The following PTPRD variants were observed in gnomAD, a reference collection of about 807,000 sequenced individuals.
PTPRD encodes protein tyrosine phosphatase receptor type D.
A neutral mutation model predicts 214.5 loss-of-function variants in PTPRD; 34 were observed. The ratio of observed to expected loss-of-function variants is 0.16; its 90% confidence interval spans 0.12 to 0.21. PTPRD has a LOEUF of 0.21. Among genes scored for constraint, PTPRD ranks in the 10% least tolerant of loss-of-function variants. The probability of loss-of-function intolerance (pLI) is 1.00; values close to 1 mark genes in which losing one functional copy is unlikely to be tolerated. For missense variants in PTPRD, 2,545 were observed against 2,398.7 expected (o/e 1.06, Z -1.27); for synonymous variants, 1,128 against 845.7 (o/e 1.33, Z -5.79).
chr9:10,200,433 A>G (rs1472842014), intron 3 of PTPRD, among the ~76,000 whole-genome samples: 2 of 152,140 alleles, frequency 1.3e-5, no homozygotes, highest in Non-Finnish European at 2.9e-5. Context: ...ATGCTGCTAA[A>G]CATTAAACAA....
At chr9:8,390,284 G>A (rs1338008798) in intron 36 of PTPRD, among the ~76,000 whole-genome samples, 1 of 152,084 alleles carries the variant, frequency 6.6e-6, no homozygotes, top group Non-Finnish European at 1.5e-5. Context: ...ACAAAGCTCT[G>A]CAACTTCCCA....
intron 12 of PTPRD, among the ~76,000 whole-genome samples, chr9:8,724,315 C>A (rs1460343961): frequency 6.6e-6 from 1 of 152,104 alleles, no homozygotes; most frequent in Non-Finnish European, 1.5e-5. Context: ...GTTGGTGGTT[C>A]AGTTTTAGAA....
intron 2 of PTPRD, among the ~76,000 whole-genome samples, chr9:10,544,733 C>A (rs181789628): frequency 1.6e-3 from 251 of 152,276 alleles, no homozygotes; most frequent in African/African-American, 5.8e-3. Flanking sequence ...TTTCTTCCTA[C>A]TGAACAAATG....
intron 31 of PTPRD, among the ~76,000 whole-genome samples, chr9:8,469,852 T>C (rs771947704): frequency 5.3e-5 from 8 of 152,122 alleles, no homozygotes; most frequent in African/African-American, 9.7e-5. Context: ...CCAGTGATCA[T>C]AAATCCCGCT....
intron 3 of PTPRD, among the ~76,000 whole-genome samples, chr9:10,293,636 T>A (rs2095593729): frequency 6.6e-6 from 1 of 152,010 alleles, no homozygotes; most frequent in Non-Finnish European, 1.5e-5. Flanking sequence ...GCAGTAACTT[T>A]ATGAATCCCC....
At chr9:10,015,164 T>A (rs2096677372) in intron 4 of PTPRD, among the ~76,000 whole-genome samples, 1 of 152,118 alleles carries the variant, frequency 6.6e-6, no homozygotes. Flanking sequence ...GCTTAATGGC[T>A]TGGGAAATGA....
intron 2 of PTPRD, among the ~76,000 whole-genome samples, chr9:10,444,944 GAAC>G (rs1225842402): frequency 1.3e-5 from 2 of 151,832 alleles, no homozygotes; most frequent in African/African-American, 4.8e-5. Context: ...GTATACAGAA[GAAC>G]AATACAAAAC....
chr9:9,784,927 A>C (rs1256312196), intron 5 of PTPRD, among the ~76,000 whole-genome samples: 2 of 147,552 alleles, frequency 1.4e-5, no homozygotes, highest in South Asian at 2.2e-4. Flanking sequence ...TTATCAACAA[A>C]TTGTATATGG....
At chr9:10,511,108 A>G (rs2047868825) in intron 2 of PTPRD, among the ~76,000 whole-genome samples, 1 of 152,154 alleles carries the variant, frequency 6.6e-6, no homozygotes, top group South Asian at 2.1e-4. Flanking sequence ...CCTTTTTATC[A>G]TTGAGAATAA....
chr9:10,356,917 G>A (rs1190357048), intron 2 of PTPRD, among the ~76,000 whole-genome samples: 1 of 151,960 alleles, frequency 6.6e-6, no homozygotes, highest in Non-Finnish European at 1.5e-5. Context: ...CTGACCTCAG[G>A]TGATCCACCC....
intron 9 of PTPRD, among the ~76,000 whole-genome samples, chr9:9,231,308 CTT>C (rs2099962968): frequency 6.6e-6 from 1 of 152,170 alleles, no homozygotes; most frequent in African/African-American, 2.4e-5. Flanking sequence ...ATTCTTAACT[CTT>C]TGGCTGGAAA....
intron 10 of PTPRD, among the ~76,000 whole-genome samples, chr9:9,088,975 A>G (rs566182008): frequency 6.6e-6 from 1 of 152,222 alleles, no homozygotes; most frequent in Non-Finnish European, 1.5e-5. Context: ...TAAGCACTCA[A>G]TAAATATGAG....
chr9:10,612,350 A>G (rs1429494232), intron 2 of PTPRD, 48 bp downstream of exon 2: 1 of 152,174 alleles, frequency 6.6e-6, no homozygotes, highest in Non-Finnish European at 1.5e-5. Context: ...AAGCATCAGC[A>G]TATGCTTCAC....
At chr9:10,402,257 A>T (rs140226663) in intron 2 of PTPRD, among the ~76,000 whole-genome samples, 12 of 151,816 alleles carry the variant, frequency 7.9e-5, no homozygotes, top group Non-Finnish European at 1.5e-5. Context: ...GATTTATGAA[A>T]TATCTTGAGA....
At chr9:9,259,858 G>T (rs1187028241) in intron 9 of PTPRD, among the ~76,000 whole-genome samples, 1 of 151,904 alleles carries the variant, frequency 6.6e-6, no homozygotes, top group African/African-American at 2.4e-5. Context: ...GGCAATCAGA[G>T]ATTCCTGAGC....
chr9:8,376,485 T>G, intron 38 of PTPRD, 122 bp downstream of exon 38: 1 of 1,385,512 alleles, frequency 7.2e-7, no homozygotes, highest in Non-Finnish European at 1.0e-6. Context: ...ATCTATTTCA[T>G]TCTTCACTGT....
At chr9:10,251,904 T>A (rs1381068297) in intron 3 of PTPRD, among the ~76,000 whole-genome samples, 2 of 152,126 alleles carry the variant, frequency 1.3e-5, no homozygotes, top group East Asian at 3.8e-4. Context: ...GAATTTCTGG[T>A]GATCCATTGC....
intron 10 of PTPRD, among the ~76,000 whole-genome samples, chr9:9,077,728 C>G (rs964972025): frequency 1.3e-5 from 2 of 151,934 alleles, no homozygotes; most frequent in Non-Finnish European, 2.9e-5. Flanking sequence ...TATGATGGTC[C>G]ACAGTTAAAC....
intron 33 of PTPRD, among the ~76,000 whole-genome samples, chr9:8,454,071 CTCT>C (rs1590943486): frequency 1.3e-5 from 2 of 152,174 alleles, no homozygotes; most frequent in East Asian, 3.9e-4. Context: ...ATTATTATTG[CTCT>C]TATTATTCAA....
Sources: gnomAD v4.1 joint callset for allele counts (sites outside exome capture counted in the v4.1 genomes callset) on GRCh38, gnomAD v4.1.1 for gene constraint, MANE v1.5 for transcripts, NCBI Gene and HGNC (gene_info 2026-07-23, HGNC 2026-07-21) for gene names.